The following FGF14 variants were observed in gnomAD, a reference collection of about 807,000 sequenced individuals.
The protein encoded by FGF14 is fibroblast growth factor 14.
Under a neutral mutation model 25.5 loss-of-function variants are expected in FGF14, and 5 were observed. The ratio of observed to expected loss-of-function variants is 0.20; its 90% CI spans 0.10 to 0.41. The LOEUF (loss-of-function observed/expected upper bound fraction) is 0.41. Ranked by LOEUF, FGF14 falls within the 10% of genes least tolerant of loss-of-function variation. The probability of loss-of-function intolerance (pLI) is 1.00; values close to 1 mark genes in which losing one functional copy is unlikely to be tolerated. For missense variants in FGF14, 222 were observed against 320.1 expected, an observed-to-expected ratio of 0.69 and a Z score of 2.34; for synonymous variants, 138 against 118.3, an observed-to-expected ratio of 1.17 and a Z score of -1.08.
At chr13:102,201,722 C>T (rs2049661140) in intron 1 of FGF14, among the ~76,000 whole-genome samples, 1 of 152,174 alleles carries the variant, frequency 6.6e-6, no homozygotes, top group Non-Finnish European at 1.5e-5. Flanking sequence ...TAATCTGGCA[C>T]TGTTGTGATC....
intron 1 of FGF14, among the ~76,000 whole-genome samples, chr13:102,347,425 C>T (rs917775664): frequency 6.6e-6 from 1 of 151,898 alleles, no homozygotes; most frequent in Admixed American, 6.6e-5. Context: ...GAAGACCCCC[C>T]TGAGATGGTG....
intron 1 of FGF14, among the ~76,000 whole-genome samples, chr13:102,235,240 A>C (rs1397468293): frequency 6.6e-6 from 1 of 152,254 alleles, no homozygotes; most frequent in Non-Finnish European, 1.5e-5. Context: ...GCCAAACAAT[A>C]TGATCCATTA....
intron 1 of FGF14, among the ~76,000 whole-genome samples, chr13:101,880,489 C>A (rs1445178929): frequency 1.3e-5 from 2 of 152,170 alleles, no homozygotes; most frequent in Non-Finnish European, 1.5e-5. Flanking sequence ...ATCGCTTGAA[C>A]CCGGGAGGCA....
intron 1 of FGF14, among the ~76,000 whole-genome samples, chr13:102,049,581 T>C (rs2042131355): frequency 6.6e-6 from 1 of 152,214 alleles, no homozygotes; most frequent in African/African-American, 2.4e-5. Flanking sequence ...CTCATTCATA[T>C]ATTAAGGTTC....
chr13:102,085,135 C>T (rs1410659381), intron 1 of FGF14, among the ~76,000 whole-genome samples: 2 of 152,196 alleles, frequency 1.3e-5, no homozygotes, highest in African/African-American at 4.8e-5. Flanking sequence ...TTGTGCAATA[C>T]ACGCTCTACA....
chr13:102,022,021 C>CT, intron 1 of FGF14, among the ~76,000 whole-genome samples: 1 of 152,220 alleles, frequency 6.6e-6, no homozygotes, highest in South Asian at 2.1e-4. Context: ...CCAGATAGAA[C>CT]TGCCATATCT....
At chr13:102,181,984 T>A (rs2048694123) in intron 1 of FGF14, among the ~76,000 whole-genome samples, 1 of 152,142 alleles carries the variant, frequency 6.6e-6, no homozygotes, top group Admixed American at 6.5e-5. Context: ...ACTCCAGAAC[T>A]GTGAAAACGT....
chr13:102,108,355 A>G (rs903793027), intron 1 of FGF14, among the ~76,000 whole-genome samples: 3 of 152,228 alleles, frequency 2.0e-5, no homozygotes, highest in African/African-American at 7.2e-5. Context: ...TGGATCTTGC[A>G]TATGTTCGTA....
chr13:102,250,910 C>A (rs1307130928), intron 1 of FGF14, among the ~76,000 whole-genome samples: 2 of 152,060 alleles, frequency 1.3e-5, no homozygotes, highest in Non-Finnish European at 2.9e-5. Context: ...AATAAAATAT[C>A]TTTAGAGTAA....
chr13:101,796,389 C>T (rs9518554), intron 3 of FGF14, among the ~76,000 whole-genome samples: 147,535 of 152,066 alleles, frequency 0.97, 71,758 homozygotes, highest in East Asian at 1. Context: ...TGTGTCTACT[C>T]TGCTATAATG....
intron 1 of FGF14, among the ~76,000 whole-genome samples, chr13:101,986,964 A>C (rs2038620394): frequency 6.9e-6 from 1 of 145,224 alleles, no homozygotes; most frequent in Non-Finnish European, 1.5e-5. Context: ...ACACACACAC[A>C]CCAGTCTGTC....
intron 3 of FGF14, among the ~76,000 whole-genome samples, chr13:101,821,066 A>G (rs1302256250): frequency 6.8e-6 from 1 of 147,428 alleles, no homozygotes. Context: ...CTCCTGCCTC[A>G]GCCTCCCAAG....
intron 1 of FGF14, among the ~76,000 whole-genome samples, chr13:102,180,124 A>G (rs1319707382): frequency 6.6e-6 from 1 of 152,140 alleles, no homozygotes; most frequent in Admixed American, 6.6e-5. Flanking sequence ...AGGCAAGACT[A>G]TATAGACTGG....
At chr13:102,015,125 C>T (rs1485778531) in intron 1 of FGF14, among the ~76,000 whole-genome samples, 2 of 152,164 alleles carry the variant, frequency 1.3e-5, no homozygotes, top group Admixed American at 1.3e-4. Flanking sequence ...CCAGGCTGGT[C>T]TCAAACTCCT....
At chr13:102,328,800 C>G (rs2056544025) in intron 1 of FGF14, among the ~76,000 whole-genome samples, 1 of 152,262 alleles carries the variant, frequency 6.6e-6, no homozygotes, top group Admixed American at 6.5e-5. Context: ...TGCTCATATT[C>G]CAGGAGTTAT....
intron 1 of FGF14, among the ~76,000 whole-genome samples, chr13:102,349,171 T>C (rs575695146): frequency 5.6e-4 from 85 of 152,280 alleles, no homozygotes; most frequent in South Asian, 1.4e-3. Flanking sequence ...AAAATGTCAC[T>C]AGTGCTGCTG....
At chr13:101,727,005 A>G (rs2139690501) in intron 3 of FGF14, among the ~76,000 whole-genome samples, 195 bp from the exon 4 acceptor site, 1 of 152,234 alleles carries the variant, frequency 6.6e-6, no homozygotes, top group African/African-American at 2.4e-5. Flanking sequence ...ACCTACTATT[A>G]TTGAAAATAT....
upstream of FGF14, among the ~76,000 whole-genome samples, chr13:101,918,132 C>T (rs2033714358): frequency 6.6e-6 from 1 of 151,674 alleles, no homozygotes; most frequent in South Asian, 2.1e-4. Flanking sequence ...GTCCCGACAG[C>T]GGTTCCCTCC....
chr13:101,891,586 CATTA>C (rs2029861339), intron 1 of FGF14, among the ~76,000 whole-genome samples: 1 of 152,094 alleles, frequency 6.6e-6, no homozygotes, highest in Non-Finnish European at 1.5e-5. Context: ...ATTTTATAAA[CATTA>C]ATTGACATCA....
Sources: allele counts gnomAD v4.1 joint callset (sites outside exome capture counted in the v4.1 genomes callset), GRCh38; gene constraint gnomAD v4.1.1; transcripts MANE v1.5; gene names NCBI Gene and HGNC (gene_info 2026-07-23, HGNC 2026-07-21).